Variants in PPP4R2 observed in about 807,000 individuals in gnomAD.
The protein encoded by PPP4R2 is protein phosphatase 4 regulatory subunit 2, also known as serine/threonine-protein phosphatase 4 regulatory subunit 2.
A neutral mutation model predicts 47.2 loss-of-function variants in PPP4R2; 13 were observed. The observed-to-expected ratio is 0.28, with a 90% confidence interval of 0.18 to 0.44. The LOEUF is 0.44. Among genes scored for constraint, PPP4R2 ranks in the 20% least tolerant of loss-of-function variants. The pLI is 1.00. For synonymous variants in PPP4R2, 151 were observed against 163.3 expected, an observed-to-expected ratio of 0.92 and a Z score of 0.57; for missense variants, 421 against 491.2, an observed-to-expected ratio of 0.86 and a Z score of 1.35.
At chr3:73,015,464 C>T (rs566270786) in intron 2 of PPP4R2, among the ~76,000 whole-genome samples, 5 of 149,532 alleles carry the variant, frequency 3.3e-5, no homozygotes, top group Admixed American at 1.3e-4. Flanking sequence ...CATGAGCCAC[C>T]GTGCCCAGCC....
chr3:73,065,384 T>C lies in PPP4R2; in HGVS notation c.929-13T>C. On this transcript the variant is annotated splice_polypyrimidine_tract_variant and intron_variant, in intron 8 of 8. Transcript: ENST00000356692. ...AATACAATTTAACTACAACAACATT[T>C]GCTTATTTTTAGAGTCTTTTATGAC... 6.4e-7 allele frequency: 1 copy of C among 1,563,752 alleles called. No homozygotes were observed. The highest frequency in any genetic ancestry group is 8.6e-7 in the Non-Finnish European group (1 of 1,158,492).
intron 5 of PPP4R2, chr3:73,062,791 A>G: frequency 1.2e-6 from 2 of 1,613,984 alleles, no homozygotes; most frequent in Non-Finnish European, 8.5e-7. Flanking sequence ...TGCAATGCAG[A>G]ATCAGCCATA....
At chr3:73,038,897 G>A (rs985074525) in intron 2 of PPP4R2, among the ~76,000 whole-genome samples, 2 of 152,044 alleles carry the variant, frequency 1.3e-5, no homozygotes, top group Non-Finnish European at 2.9e-5. Flanking sequence ...TCATCTGATT[G>A]GATCCTTTAT....
At chr3:73,050,813 AT>A (rs1336571045) in intron 3 of PPP4R2, among the ~76,000 whole-genome samples, 1 of 152,086 alleles carries the variant, frequency 6.6e-6, no homozygotes, top group Non-Finnish European at 1.5e-5. Context: ...GTAGGCATTT[AT>A]TTTTTTGGCT....
intron 2 of PPP4R2, among the ~76,000 whole-genome samples, chr3:73,019,282 C>T (rs1367804873): frequency 6.6e-6 from 1 of 152,192 alleles, no homozygotes; most frequent in Non-Finnish European, 1.5e-5. Context: ...TCTGATGACA[C>T]ATTTCTCAGA....
rs67976074 is a variant in PPP4R2 at position 73,002,604 on chromosome 3, T to TTTTTCTTTTC, written c.116+4471_116+4480dup. 6.2e-4 allele frequency among the ~76,000 whole-genome samples: 64 copies of TTTTTCTTTTC among 102,606 alleles called. 2 individuals are homozygous for TTTTTCTTTTC. The highest frequency in any genetic ancestry group is 2.3e-3 in the Admixed American group (21 of 9,328). The allele number at this position is 102,606 out of a possible 152,430, so 67.3% of individuals were successfully genotyped here. On this transcript the variant is annotated intron_variant, in intron 2 of 8. Coordinates refer to ENST00000356692, the MANE Select transcript of PPP4R2 (RefSeq NM_174907.4). The stretch of plus-strand genomic sequence containing the variant: ...CAGTAAACATGGGAGTGCACAGGGA[T>TTTTTCTTTTC]TTTTCTTTTCTTTTCTTTTCTTTTC...
At chr3:73,019,196 A>G (rs1473020782) in intron 2 of PPP4R2, among the ~76,000 whole-genome samples, 1 of 152,160 alleles carries the variant, frequency 6.6e-6, no homozygotes, top group Non-Finnish European at 1.5e-5. Flanking sequence ...CATATACCAT[A>G]TAGTCTAGGT....
intron 2 of PPP4R2, among the ~76,000 whole-genome samples, chr3:73,021,392 C>T (rs1701957463): frequency 6.6e-6 from 1 of 151,848 alleles, no homozygotes; most frequent in South Asian, 2.1e-4. Flanking sequence ...CAACACCATG[C>T]CTGGCTAATT....
rs898380971 is a variant in PPP4R2, at chr3:72,997,141, G to C, written c.34+70G>C. ...CTCGCTCTTCTCTCCTTTCAGGGCG[G>C]ATGGTTCCGAGGACCGGGGCCGGGC... On this transcript the variant is annotated intron_variant, in intron 1 of 8. Coordinates refer to ENST00000356692, the MANE Select transcript of PPP4R2 (RefSeq NM_174907.4). 2.0e-5 allele frequency: 25 copies of C among 1,227,682 alleles called. No individual in the cohort carries two copies. In the Admixed American group the frequency reaches 4.6e-4, roughly 23 times the overall value. The allele number at this position is 1,227,682 out of a possible 1,614,324, so 76.0% of individuals were successfully genotyped here.
chr3:73,058,979 G>A, intron 3 of PPP4R2, 58 bp from the exon 4 acceptor site: 1 of 1,049,608 alleles, frequency 9.5e-7, no homozygotes, highest in South Asian at 1.4e-5. Context: ...AAGAAATAAT[G>A]TTCCTCGTTT....
intron 2 of PPP4R2, chr3:73,015,007 A>AT (rs757807882): frequency 4.3e-5 from 29 of 669,436 alleles, no homozygotes; most frequent in South Asian, 6.3e-5. Flanking sequence ...CCCAGTCGTA[A>AT]TTTTTTTTCC....
At chr3:73,056,027 C>T (rs527591526) in intron 3 of PPP4R2, among the ~76,000 whole-genome samples, 6 of 152,276 alleles carry the variant, frequency 3.9e-5, no homozygotes, top group African/African-American at 1.4e-4. Flanking sequence ...GTTTAACGCT[C>T]CTCTCCCTAT....
At position 73,068,079 on chromosome 3, in the gene PPP4R2, T is replaced by C. The variant is rs1253549003; in HGVS notation, c.*2357T>C. On this transcript the variant is annotated 3_prime_UTR_variant, in exon 9 of 9. Transcript: ENST00000356692. The stretch of plus-strand genomic sequence containing the variant: ...TTGTTCAGCTGGTTTTAGATATTGA[T>C]GGCCATTTGGAAGTAAATTTCCGCA... 3 of 152,172 alleles carry C rather than the reference T, an allele frequency of 2.0e-5. No individual in the cohort carries two copies. Among genetic ancestry groups the C allele is most frequent in the Non-Finnish European group, 4.4e-5 (3 of 68,000 alleles). The allele number at this position is 152,172 out of a possible 1,614,324, so 9.4% of individuals were successfully genotyped here.
At chr3:73,021,904 T>A (rs6776712) in intron 2 of PPP4R2, among the ~76,000 whole-genome samples, 39,280 of 115,292 alleles carry the variant, frequency 0.34, 5,948 homozygotes, top group Non-Finnish European at 0.4. Flanking sequence ...ATATATATTT[T>A]TTTTTTTTTT....
chr3:73,056,860 T>C (rs1245520319), intron 3 of PPP4R2, among the ~76,000 whole-genome samples: 1 of 152,210 alleles, frequency 6.6e-6, no homozygotes, highest in East Asian at 1.9e-4. Flanking sequence ...AAACTAATTT[T>C]AATTAGTGAG....
Position 73,068,248 on chromosome 3 carries a change from A to G in PPP4R2, c.*2526A>G, listed in dbSNP as rs1351908838. 1 of 152,174 alleles carries G rather than the reference A, an allele frequency of 6.6e-6. No individual in the cohort carries two copies. The highest frequency in any genetic ancestry group is 2.4e-5 in the African/African-American group (1 of 41,450). The allele number at this position is 152,174 out of a possible 1,614,324, so 9.4% of individuals were successfully genotyped here. ...AAGTCCTGTTAAAAGATCTAAATGAAGAATGGAGACCTCAGTGATTAAAGA... is the reference window on the plus strand; with the variant it reads ...AAGTCCTGTTAAAAGATCTAAATGAGGAATGGAGACCTCAGTGATTAAAGA... On this transcript the variant is annotated 3_prime_UTR_variant, in exon 9 of 9. Transcript: ENST00000356692.
intron 2 of PPP4R2, among the ~76,000 whole-genome samples, chr3:73,043,488 C>T (rs1702422546): frequency 6.6e-6 from 1 of 152,182 alleles, no homozygotes; most frequent in Non-Finnish European, 1.5e-5. Flanking sequence ...GATTACAAAT[C>T]TGCATTTACC....
intron 2 of PPP4R2, among the ~76,000 whole-genome samples, chr3:73,011,198 G>C (rs1355562608): frequency 1.3e-5 from 2 of 152,324 alleles, no homozygotes; most frequent in East Asian, 3.9e-4. Flanking sequence ...GGAGCTTTCA[G>C]GCCAGGTGCG....
At position 73,011,363 on chromosome 3, in the gene PPP4R2, C is replaced by T. The variant is rs370968455; in HGVS notation, c.116+13205C>T. ...GGGCATGGTGGCAGGCGCTTTTAGT[C>T]GCAGCTGCTCGGGAGGCTGAGGCAG... On this transcript the variant is annotated intron_variant, in intron 2 of 8. Transcript: ENST00000356692. Among the ~76,000 whole-genome samples, 42 of 152,210 alleles carry T rather than the reference C, an allele frequency of 2.8e-4. 1 individual carries two copies. Among genetic ancestry groups the T allele is most frequent in the African/African-American group, 9.4e-4 (39 of 41,526 alleles).
Sources: gnomAD v4.1 joint callset for allele counts (sites outside exome capture counted in the v4.1 genomes callset) on GRCh38, gnomAD v4.1.1 for gene constraint, MANE v1.5 for transcripts, NCBI Gene and HGNC (gene_info 2026-07-23, HGNC 2026-07-21) for gene names.